The following CEP68 variants were observed in gnomAD, a reference collection of about 807,000 sequenced individuals.
CEP68 encodes the protein centrosomal protein of 68 kDa.
In CEP68, 26 loss-of-function variants were observed where a neutral mutation model predicts 55.3. The ratio of observed to expected loss-of-function variants is 0.47; its 90% CI spans 0.34 to 0.65. The LOEUF (loss-of-function observed/expected upper bound fraction) is 0.65. Among genes scored for constraint, CEP68 ranks in the 30% least tolerant of loss-of-function variants. The probability of loss-of-function intolerance (pLI) is 0.01; values close to 1 mark genes in which losing one functional copy is unlikely to be tolerated. For missense variants in CEP68, 957 were observed against 946.7 expected (o/e 1.01, Z -0.14); for synonymous variants, 402 against 383.2 (o/e 1.05, Z -0.57).
chr2:65,080,968 T>G (rs941135920), intron 5 of CEP68, among the ~76,000 whole-genome samples: 6 of 151,930 alleles, frequency 3.9e-5, no homozygotes, highest in African/African-American at 1.2e-4. Context: ...CCCAGCACTT[T>G]GGGAGGCCAA....
At chr2:65,060,446 A>G (rs149955212) in intron 1 of CEP68, among the ~76,000 whole-genome samples, 51 of 150,998 alleles carry the variant, frequency 3.4e-4, no homozygotes, top group African/African-American at 1.1e-3. Context: ...AAAAAGTGTC[A>G]GGGCCGGGCA....
chr2:65,058,364 C>A (rs1217041280), intron 1 of CEP68, among the ~76,000 whole-genome samples: 3 of 151,836 alleles, frequency 2.0e-5, no homozygotes, highest in African/African-American at 7.3e-5. Context: ...TCACCAGGCC[C>A]AGCTAATTTT....
chr2:65,073,789 A>G (rs1676625632), intron 3 of CEP68: 2 of 160,754 alleles, frequency 1.2e-5, no homozygotes. Context: ...TGACGTGGTT[A>G]TTTTGTCTTG....
At chr2:65,058,891 T>C (rs1280581258) in intron 1 of CEP68, among the ~76,000 whole-genome samples, 1 of 152,152 alleles carries the variant, frequency 6.6e-6, no homozygotes, top group Non-Finnish European at 1.5e-5. Context: ...TATCTGTTTA[T>C]GTGTCTGGAG....
intron 1 of CEP68, among the ~76,000 whole-genome samples, chr2:65,057,381 G>C (rs988790792): frequency 6.6e-6 from 1 of 152,164 alleles, no homozygotes; most frequent in Admixed American, 6.5e-5. Flanking sequence ...AGATCTAGAA[G>C]TCACCACTTT....
At chr2:65,076,243 T>A (rs773282373) in intron 4 of CEP68, among the ~76,000 whole-genome samples, 1 of 152,166 alleles carries the variant, frequency 6.6e-6, no homozygotes, top group Non-Finnish European at 1.5e-5. Flanking sequence ...GAGAGGAAGC[T>A]GCCCTGGTAG....
chr2:65,073,776 A>T (rs1676624644), intron 3 of CEP68: 1 of 161,702 alleles, frequency 6.2e-6, no homozygotes, highest in African/African-American at 2.4e-5. Flanking sequence ...CCTTCCCAGG[A>T]GGTGACGTGG....
At chr2:65,063,372 A>C (rs1676004258) in intron 1 of CEP68, among the ~76,000 whole-genome samples, 1 of 152,184 alleles carries the variant, frequency 6.6e-6, no homozygotes, top group Admixed American at 6.5e-5. Flanking sequence ...CATTCAGTCC[A>C]ACCTCCTGGC....
At chr2:65,075,964 G>A (rs1676739098) in intron 4 of CEP68, among the ~76,000 whole-genome samples, 1 of 151,982 alleles carries the variant, frequency 6.6e-6, no homozygotes, top group Non-Finnish European at 1.5e-5. Flanking sequence ...TAAAGTGTAG[G>A]GAGGAGCCTT....
rs878866307 is a variant in CEP68, at chr2:65,069,507, T to C, written c.63T>C (p.Tyr21=). ...EASEDTKAQS[Y]GRGSCREREL... ...CTGAAGACACAAAGGCCCAGTCCTA[T>C]GGGAGAGGGAGCTGCAGGGAGCGGG... Residue 21 remains tyrosine (Y), a synonymous_variant, in exon 2 of 7, where the codon TAT becomes TAC. Coordinates refer to ENST00000377990, the MANE Select transcript of CEP68 (RefSeq NM_015147.3). 2 of 1,571,710 alleles carry C rather than the reference T, an allele frequency of 1.3e-6. No individual in the cohort carries two copies. The highest frequency in any genetic ancestry group is 1.2e-5 in the South Asian group (1 of 85,228).
intron 1 of CEP68, among the ~76,000 whole-genome samples, chr2:65,061,177 A>T (rs1232782386): frequency 3.3e-5 from 5 of 151,888 alleles, no homozygotes; most frequent in South Asian, 2.1e-4. Context: ...ATCTCAAATT[A>T]AAAAAAAGAA....
In CEP68 at chr2:65,086,313, T is replaced by C. The variant is rs573973444; in HGVS notation, c.*2679T>C. The C allele has an allele frequency of 5.3e-5, 8 of 152,326 alleles. No individual in the cohort carries two copies. Among genetic ancestry groups the C allele is most frequent in the Admixed American group, 3.3e-4 (5 of 15,302 alleles). 9.4% of individuals were successfully genotyped at this position (152,326 alleles called of 1,614,324 possible). ...ACTAATTTATGGCAGCACCTTATAT[T>C]TAGAACAAGTGGTAATTCCCTTTAC... On this transcript the variant is annotated 3_prime_UTR_variant, in exon 7 of 7. Coordinates refer to ENST00000377990, the MANE Select transcript of CEP68 (RefSeq NM_015147.3).
In CEP68 at chr2:65,081,405, CCTT is replaced by C. The variant is rs770519659; in HGVS notation, c.2105-1128_2105-1126del. On this transcript the variant is annotated intron_variant, in intron 5 of 6. Transcript: ENST00000377990. ...AATACAGCCAGCCTGTGTTCCTTCT[CCTT>C]CTACTCATCCAGTCAGCATTGTCTG... is the stretch of plus-strand genomic sequence containing the variant. Among the ~76,000 whole-genome samples, 16 of 147,970 alleles carry C rather than the reference CCTT, an allele frequency of 1.1e-4. No homozygotes were observed. In the East Asian group the frequency reaches 1.4e-3, roughly 13 times the overall value.
In CEP68 at chr2:65,077,887, A is replaced by G; in HGVS notation, c.2027A>G (p.Asp676Gly). 6.2e-7 allele frequency: 1 copy of G among 1,613,618 alleles called. No homozygotes were observed. Among genetic ancestry groups the G allele is most frequent in the Non-Finnish European group, 8.5e-7 (1 of 1,179,714 alleles). ...CTTAAGCAATTTAAGAAAGATATAG[A>G]TGAACATCAGTCTCTGACGGAGAGT... ...QLYRQFKKDI[D>G]EHQSLTESVL... Residue 676 changes from aspartate (D) to glycine (G), a missense_variant, in exon 5 of 7, where the codon GAT (aspartate) becomes GGT (glycine). Coordinates refer to ENST00000377990, the MANE Select transcript of CEP68 (RefSeq NM_015147.3).
At chr2:65,076,715 A>G (rs920466301) in intron 4 of CEP68, among the ~76,000 whole-genome samples, 1 of 152,150 alleles carries the variant, frequency 6.6e-6, no homozygotes, top group African/African-American at 2.4e-5. Context: ...GTATCAGGGT[A>G]AAGGAAAACT....
rs1319525545 is a variant in CEP68, at chr2:65,071,950, C to T, written c.854C>T (p.Ser285Leu). 1 of 1,613,022 alleles carries T rather than the reference C, an allele frequency of 6.2e-7. No individual in the cohort carries two copies. ...ACVLPDSLPP[S>L]PDRHSPLWNP... ...GTGCTGCCAGATTCCCTGCCTCCAT[C>T]ACCCGACCGCCACTCCCCTCTCTGG... The change falls in exon 3 of 7, where the codon TCA becomes TTA. Residue 285 changes from serine (S) to leucine (L), a missense_variant. Physicochemically the swap from Ser to Leu is moderately radical, Grantham distance 145 (BLOSUM62 -2). Transcript: ENST00000377990.
At chr2:65,080,284 C>G in intron 5 of CEP68, 1 of 985,204 alleles carries the variant, frequency 1.0e-6, no homozygotes, top group Non-Finnish European at 1.2e-6. Flanking sequence ...AGATATGTAT[C>G]CAGGCTCTTT....
chr2:65,076,816 G>A (rs1452360195), intron 4 of CEP68, among the ~76,000 whole-genome samples: 1 of 152,068 alleles, frequency 6.6e-6, no homozygotes, highest in Non-Finnish European at 1.5e-5. Context: ...GCTCATACCT[G>A]TAATCCCAGT....
At position 65,086,888 on chromosome 2, in the gene CEP68, T is replaced by C. The variant is rs990673548; in HGVS notation, c.*3254T>C. 2.6e-5 allele frequency: 4 copies of C among 152,662 alleles called. No homozygotes were observed. The highest frequency in any genetic ancestry group is 9.6e-5 in the African/African-American group (4 of 41,454). The allele number at this position is 152,662 out of a possible 1,614,324, so 9.5% of individuals were successfully genotyped here. A position where few individuals can be genotyped will look rare whatever the true frequency, so the allele number is the denominator to read the frequency against. ...AACTATGATTTTTATTGTGAAATTT[T>C]CATAGATGGAAAATTGAATATTCTG... On this transcript the variant is annotated 3_prime_UTR_variant, in exon 7 of 7. Transcript: ENST00000377990.
Sources: allele counts gnomAD v4.1 joint callset (sites outside exome capture counted in the v4.1 genomes callset), GRCh38; gene constraint gnomAD v4.1.1; transcripts MANE v1.5; gene names NCBI Gene and HGNC (gene_info 2026-07-23, HGNC 2026-07-21).